The following COG5 variants were observed in gnomAD, a reference collection of about 807,000 sequenced individuals.
COG5 encodes component of oligomeric golgi complex 5.
A neutral mutation model predicts 110.4 loss-of-function variants in COG5; 86 were observed. That is an observed-to-expected ratio of 0.78 (90% CI 0.65 to 0.93). The LOEUF (loss-of-function observed/expected upper bound fraction) is 0.93. Ranked by LOEUF, COG5 falls within the 40% of genes least tolerant of loss-of-function variation. The pLI is 0.00. For synonymous variants in COG5, 360 were observed against 334.6 expected (o/e 1.08, Z -0.83); for missense variants, 1,077 against 987.0 (o/e 1.09, Z -1.22).
At chr7:107,287,203 C>T (rs1405961168) in intron 12 of COG5, among the ~76,000 whole-genome samples, 1 of 152,174 alleles carries the variant, frequency 6.6e-6, no homozygotes, top group Non-Finnish European at 1.5e-5. Context: ...CAGTAAATTG[C>T]AAAGTAGGAC....
chr7:107,249,690 T>TTGTGTCTGTGTGTGTGTG (rs1247487439), intron 16 of COG5, among the ~76,000 whole-genome samples: 2 of 131,658 alleles, frequency 1.5e-5, no homozygotes, highest in Non-Finnish European at 3.4e-5. Flanking sequence ...ACGTACAGGA[T>TTGTGTCTGTGTGTGTGTG]TGTGTGTGTG....
chr7:107,521,933 T>C (rs1010459156), intron 6 of COG5, among the ~76,000 whole-genome samples: 2 of 151,822 alleles, frequency 1.3e-5, no homozygotes, highest in Non-Finnish European at 2.9e-5. Flanking sequence ...ACACACACCA[T>C]GCAGCCATAA....
chr7:107,471,087 T>C (rs1301448271), intron 6 of COG5, among the ~76,000 whole-genome samples: 1 of 152,052 alleles, frequency 6.6e-6, no homozygotes, highest in Non-Finnish European at 1.5e-5. Context: ...GGTTAGCTTC[T>C]AAAATGAGAG....
chr7:107,456,815 T>TA (rs1048002789), intron 6 of COG5, among the ~76,000 whole-genome samples: 1 of 152,200 alleles, frequency 6.6e-6, no homozygotes, highest in Admixed American at 6.5e-5. Context: ...CTTGGAATGC[T>TA]AAAAAGGGAG....
chr7:107,324,516 T>C lies in COG5; in HGVS notation c.1032A>G (p.Gly344=), dbSNP rs1212350321. 6.2e-7 allele frequency: 1 copy of C among 1,601,970 alleles called. No homozygotes were observed. The highest frequency in any genetic ancestry group is 1.1e-5 in the South Asian group (1 of 88,054). ...ICFIEEIVKD[G]QPEIFYTFWN... is the part of the protein sequence containing the mutation. The stretch of plus-strand genomic sequence containing the variant: ...AAAATGTGTAGAAAATTTCCGGTTG[T>C]CCATCCTGTGAAGAACAAACAAAAA... The change falls in exon 11 of 22, where the codon GGA becomes GGG. Residue 344 remains glycine, a synonymous_variant. Transcript: ENST00000297135.
At chr7:107,379,401 G>A (rs749805441) in intron 7 of COG5, among the ~76,000 whole-genome samples, 15 of 152,062 alleles carry the variant, frequency 9.9e-5, no homozygotes, top group Non-Finnish European at 1.8e-4. Context: ...ATGATGACAG[G>A]ATCAAATTCA....
chr7:107,506,474 G>A (rs1301288665), intron 6 of COG5, among the ~76,000 whole-genome samples: 1 of 152,162 alleles, frequency 6.6e-6, no homozygotes, highest in Non-Finnish European at 1.5e-5. Flanking sequence ...CTGGGCAGGA[G>A]TTTGAGGGAG....
intron 6 of COG5, chr7:107,472,804 T>A (rs1381452003): frequency 1.3e-5 from 2 of 151,928 alleles, no homozygotes; most frequent in Non-Finnish European, 2.9e-5. Context: ...ATTTTGAAAA[T>A]TATTAGCTTT....
At chr7:107,247,443 A>G (rs1802140650) in intron 17 of COG5, among the ~76,000 whole-genome samples, 2 of 152,250 alleles carry the variant, frequency 1.3e-5, no homozygotes, top group African/African-American at 4.8e-5. Context: ...CAGTGAAATA[A>G]TATTTTTCTA....
rs1813191925 is a variant in COG5, at chr7:107,362,320, A to G, written c.936T>C (p.Ala312=). The change falls in exon 9 of 22, where the codon GCT becomes GCC. Residue 312 remains alanine, a synonymous_variant. Coordinates refer to ENST00000297135, the MANE Select transcript of COG5 (RefSeq NM_006348.5). Reference sequence around the variant, plus strand: ...TTCAAATATTTACCTGTCCACAAACAGCATAAATATGATCCATAAGTTTCT... The same window carrying G: ...TTCAAATATTTACCTGTCCACAAACGGCATAAATATGATCCATAAGTTTCT... ...NMEKLMDHIY[A]VCGQVQHLQK... is the part of the protein sequence containing the mutation. The G allele has an allele frequency of 6.2e-7, 1 of 1,604,088 alleles. No individual in the cohort carries two copies. Among genetic ancestry groups the G allele is most frequent in the African/African-American group, 1.3e-5 (1 of 74,530 alleles).
intron 10 of COG5, among the ~76,000 whole-genome samples, chr7:107,331,093 T>A (rs1810197320): frequency 6.6e-6 from 1 of 152,118 alleles, no homozygotes; most frequent in Non-Finnish European, 1.5e-5. Flanking sequence ...AAGGATCAGA[T>A]CAAGGTATGT....
intron 3 of COG5, among the ~76,000 whole-genome samples, chr7:107,551,754 A>C (rs1420247323): frequency 6.6e-6 from 1 of 152,124 alleles, no homozygotes; most frequent in African/African-American, 2.4e-5. Flanking sequence ...AGTAGCTGGG[A>C]CTAGAAACAT....
intron 6 of COG5, among the ~76,000 whole-genome samples, chr7:107,498,091 G>A (rs938560358): frequency 2.0e-5 from 3 of 152,144 alleles, no homozygotes; most frequent in Non-Finnish European, 4.4e-5. Context: ...GCAAGGGAAT[G>A]AAATTGGACC....
chr7:107,311,810 T>C (rs973939603), intron 11 of COG5, among the ~76,000 whole-genome samples: 7 of 152,102 alleles, frequency 4.6e-5, no homozygotes, highest in South Asian at 2.1e-4. Flanking sequence ...TTCTATTTTG[T>C]CATTTTTCCT....
intron 3 of COG5, among the ~76,000 whole-genome samples, chr7:107,552,579 A>G (rs1423936741): frequency 1.3e-5 from 2 of 152,232 alleles, no homozygotes; most frequent in African/African-American, 4.8e-5. Flanking sequence ...ACAATGAGAT[A>G]CCATCTCACA....
chr7:107,532,928 C>T (rs2129161867), intron 5 of COG5, among the ~76,000 whole-genome samples: 1 of 152,242 alleles, frequency 6.6e-6, no homozygotes, highest in South Asian at 2.1e-4. Context: ...TTCTTTATAA[C>T]TTTCATTTAA....
intron 21 of COG5, chr7:107,208,094 A>G (rs1291938004): frequency 1.5e-5 from 15 of 985,366 alleles, no homozygotes; most frequent in African/African-American, 3.5e-5. Context: ...GCAATAATAC[A>G]TAAGAAAGAA....
At chr7:107,432,356 C>T (rs1303594556) in intron 6 of COG5, among the ~76,000 whole-genome samples, 2 of 152,038 alleles carry the variant, frequency 1.3e-5, no homozygotes, top group African/African-American at 4.8e-5. Flanking sequence ...AAATAAAATT[C>T]AAACTGATAA....
At chr7:107,431,802 T>A (rs576701779) in intron 6 of COG5, among the ~76,000 whole-genome samples, 1 of 152,194 alleles carries the variant, frequency 6.6e-6, no homozygotes, top group Admixed American at 6.5e-5. Flanking sequence ...ACCACAGGCA[T>A]GCACCACCAC....
Sources: allele counts gnomAD v4.1 joint callset (sites outside exome capture counted in the v4.1 genomes callset), GRCh38; gene constraint gnomAD v4.1.1; transcripts MANE v1.5; gene names NCBI Gene and HGNC (gene_info 2026-07-23, HGNC 2026-07-21).